Variants in CNTN4 observed in about 807,000 individuals in gnomAD.
The protein encoded by CNTN4 is contactin-4.
A neutral mutation model predicts 122.5 loss-of-function variants in CNTN4; 77 were observed. The ratio of observed to expected loss-of-function variants is 0.63; its 90% CI spans 0.52 to 0.76. CNTN4 has a LOEUF of 0.76. CNTN4 is among the 30% of genes least tolerant of loss of function. The pLI, the probability that CNTN4 is intolerant of heterozygous loss-of-function variation, is 0.00. For synonymous variants in CNTN4, 512 were observed against 447.0 expected (o/e 1.15, Z -1.83); for missense variants, 1,256 against 1,259.1 (o/e 1.00, Z 0.04).
intron 6 of CNTN4, among the ~76,000 whole-genome samples, chr3:2,762,728 T>C (rs1263309785): frequency 6.6e-6 from 1 of 152,184 alleles, no homozygotes; most frequent in Non-Finnish European, 1.5e-5. Flanking sequence ...CATTTCCATC[T>C]TTACATCTTT....
chr3:2,374,604 T>G (rs996648357), intron 3 of CNTN4, among the ~76,000 whole-genome samples: 1 of 152,036 alleles, frequency 6.6e-6, no homozygotes, highest in East Asian at 1.9e-4. Flanking sequence ...GCATTCCTGA[T>G]GGACCTCACT....
intron 5 of CNTN4, among the ~76,000 whole-genome samples, chr3:2,737,863 A>G (rs773398719): frequency 3.3e-5 from 5 of 152,258 alleles, no homozygotes; most frequent in South Asian, 2.1e-4. Context: ...AAGAGACTCA[A>G]AAGCACAGGT....
intron 4 of CNTN4, among the ~76,000 whole-genome samples, chr3:2,729,493 G>A (rs558568560): frequency 3.0e-4 from 40 of 135,296 alleles, no homozygotes; most frequent in Admixed American, 2.8e-3. Flanking sequence ...GCAGTGAGCC[G>A]AGATCGTGCC....
rs371392066 is a variant in CNTN4 at position 2,314,745 on chromosome 3, A to G, written c.-144-24433A>G. Among the ~76,000 whole-genome samples the G allele has an allele frequency of 3.3e-5, 5 of 152,138 alleles. No homozygotes were observed. In the East Asian group the frequency reaches 7.7e-4, roughly 23 times the overall value. ...AAGAAATACAATTACAATTATTAAC[A>G]AAATGAGAAAAAATTTGCAAATCTT... On this transcript the variant is annotated intron_variant, in intron 2 of 24. Coordinates refer to ENST00000418658, the MANE Select transcript of CNTN4 (RefSeq NM_175607.3).
intron 13 of CNTN4, among the ~76,000 whole-genome samples, chr3:2,978,902 C>T (rs1302796264): frequency 6.6e-6 from 1 of 152,290 alleles, no homozygotes; most frequent in Admixed American, 6.5e-5. Context: ...TCACCCCTTG[C>T]AGAGTTCAAT....
intron 2 of CNTN4, among the ~76,000 whole-genome samples, chr3:2,244,924 C>T (rs1319565643): frequency 6.6e-6 from 1 of 151,944 alleles, no homozygotes; most frequent in Non-Finnish European, 1.5e-5. Context: ...AACATATAAA[C>T]TTAAAAAATT....
intron 23 of CNTN4, among the ~76,000 whole-genome samples, chr3:3,045,470 G>A (rs573814120): frequency 8.5e-5 from 13 of 152,352 alleles, no homozygotes; most frequent in East Asian, 3.9e-4. Context: ...TTGCTGTTCA[G>A]CAATATTTGC....
At position 2,634,826 on chromosome 3, in the gene CNTN4, A is replaced by T. The variant is rs575263816; in HGVS notation, c.55+63268A>T. ...AGCCAAGATCACACCACTGTACTCCAGCCTGGGTGACAGAGTGAGACTCCA... is the reference window on the plus strand; with the variant it reads ...AGCCAAGATCACACCACTGTACTCCTGCCTGGGTGACAGAGTGAGACTCCA... On this transcript the variant is annotated intron_variant, in intron 4 of 24. Coordinates refer to ENST00000418658, the MANE Select transcript of CNTN4 (RefSeq NM_175607.3). Among the ~76,000 whole-genome samples, 15 of 152,094 alleles carry T rather than the reference A, an allele frequency of 9.9e-5. No homozygotes were observed. In the South Asian group the frequency reaches 3.1e-3, roughly 32 times the overall value.
At chr3:2,894,358 T>G (rs2094081704) in intron 10 of CNTN4, among the ~76,000 whole-genome samples, 1 of 152,192 alleles carries the variant, frequency 6.6e-6, no homozygotes, top group Admixed American at 6.5e-5. Flanking sequence ...CATTGTCATT[T>G]GTGTTAGGGT....
chr3:2,346,536 C>G (rs1011416845), intron 3 of CNTN4, among the ~76,000 whole-genome samples: 2 of 152,034 alleles, frequency 1.3e-5, no homozygotes, highest in African/African-American at 2.4e-5. Flanking sequence ...GGTAAACTCT[C>G]TAATTTTTTT....
rs559395319 is a variant in CNTN4, at chr3:3,053,921, A to G, written c.2926A>G (p.Ser976Gly). The G allele has an allele frequency of 2.5e-6, 4 of 1,614,206 alleles. No individual in the cohort carries two copies. The East Asian group carries it at 8.9e-5, about 36-fold the overall frequency. Residue 976 changes from serine (S) to glycine (G), a missense_variant, in exon 24 of 25, where the codon AGC becomes GGC. Ser to Gly is a moderately conservative substitution (Grantham distance 56). Transcript: ENST00000418658. Reference sequence around the variant, plus strand: ...TTATATAATAGAAATTAAGCCATTCAGCGACGGAGGAGATGGCAGCAGCAG... The same window carrying G: ...TTATATAATAGAAATTAAGCCATTCGGCGACGGAGGAGATGGCAGCAGCAG... ...EDYIIEIKPFSDGGDGSSSEQ... is the reference protein window; with the variant it reads ...EDYIIEIKPFGDGGDGSSSEQ...
intron 13 of CNTN4, among the ~76,000 whole-genome samples, chr3:2,974,071 T>G (rs1693195041): frequency 6.6e-6 from 1 of 152,218 alleles, no homozygotes; most frequent in Non-Finnish European, 1.5e-5. Flanking sequence ...TCATGGTTGG[T>G]CCTAGCATAT....
chr3:2,276,853 T>G (rs1030764700), intron 2 of CNTN4, among the ~76,000 whole-genome samples: 1 of 152,070 alleles, frequency 6.6e-6, no homozygotes, highest in African/African-American at 2.4e-5. Context: ...GAGGCAAAGG[T>G]TGCAGTGAGC....
chr3:2,611,822 G>A (rs971371949), intron 4 of CNTN4, among the ~76,000 whole-genome samples: 18 of 152,150 alleles, frequency 1.2e-4, no homozygotes, highest in African/African-American at 4.3e-4. Context: ...ATAACAGAGT[G>A]CCCTGTGGCA....
At chr3:2,306,956 T>C (rs975957849) in intron 2 of CNTN4, among the ~76,000 whole-genome samples, 4 of 152,192 alleles carry the variant, frequency 2.6e-5, no homozygotes, top group Admixed American at 2.0e-4. Flanking sequence ...TATATTTATA[T>C]ATTGAACTTG....
chr3:2,125,947 GTTTTAA>G (rs1197023508), intron 2 of CNTN4, among the ~76,000 whole-genome samples: 5 of 151,184 alleles, frequency 3.3e-5, no homozygotes, highest in Non-Finnish European at 7.4e-5. Context: ...ATGTGTGTGT[GTTTTAA>G]TTTTAAAAAC....
intron 4 of CNTN4, among the ~76,000 whole-genome samples, chr3:2,652,142 A>G (rs1030331606): frequency 6.6e-6 from 1 of 151,890 alleles, no homozygotes; most frequent in African/African-American, 2.4e-5. Context: ...GGATTGCTTG[A>G]GCTCACAAGG....
At chr3:2,701,602 C>T (rs571814478) in intron 4 of CNTN4, among the ~76,000 whole-genome samples, 5 of 152,102 alleles carry the variant, frequency 3.3e-5, no homozygotes, top group South Asian at 2.1e-4. Flanking sequence ...ACAGCGCATG[C>T]GTAGCATTTT....
intron 4 of CNTN4, among the ~76,000 whole-genome samples, chr3:2,607,610 C>CACACACACACACACACACACACACACA (rs10530695): frequency 4.8e-5 from 7 of 145,480 alleles, no homozygotes; most frequent in South Asian, 2.3e-4. Context: ...ACATATGCAT[C>CACACACACACACACACACACACACACA]CACACACACA....
Sources: gnomAD v4.1 joint callset for allele counts (sites outside exome capture counted in the v4.1 genomes callset) on GRCh38, gnomAD v4.1.1 for gene constraint, MANE v1.5 for transcripts, NCBI Gene and HGNC (gene_info 2026-07-23, HGNC 2026-07-21) for gene names.